MTDH: variants seen among roughly 807,000 people sequenced by gnomAD.
The protein encoded by MTDH is metadherin.
MTDH carries 34 observed loss-of-function variants against 72.7 expected under a neutral mutation model. That is an observed-to-expected ratio of 0.47 (90% CI 0.36 to 0.62). The LOEUF is 0.62. Ranked by LOEUF, MTDH falls within the 20% of genes least tolerant of loss-of-function variation. MTDH has a pLI of 0.00. For synonymous variants in MTDH, 266 were observed against 268.9 expected, an observed-to-expected ratio of 0.99 and a Z score of 0.10; for missense variants, 677 against 699.4, an observed-to-expected ratio of 0.97 and a Z score of 0.36.
intron 2 of MTDH, among the ~76,000 whole-genome samples, chr8:97,686,178 T>C (rs533050041): frequency 1.3e-5 from 2 of 152,356 alleles, no homozygotes; most frequent in East Asian, 3.9e-4. Context: ...AATCACCACA[T>C]AATTTTTCAT....
intron 7 of MTDH, 25 bp from the exon 8 acceptor site, chr8:97,706,601 C>A: frequency 1.3e-6 from 2 of 1,511,200 alleles, no homozygotes; most frequent in African/African-American, 1.4e-5. Flanking sequence ...ATGATAGACG[C>A]CTAATTCACA....
intron 11 of MTDH, among the ~76,000 whole-genome samples, chr8:97,723,592 G>A (rs2513976): frequency 0.6 from 89,000 of 148,888 alleles, 28,517 homozygotes; most frequent in African/African-American, 0.85. Context: ...AAATACAACA[G>A]ATTAGCCGGG....
intron 2 of MTDH, among the ~76,000 whole-genome samples, chr8:97,664,285 G>A (rs1163136147): frequency 2.0e-5 from 3 of 152,084 alleles, no homozygotes; most frequent in African/African-American, 7.2e-5. Flanking sequence ...GAACACAGGA[G>A]GTGGAGGTTG....
chr8:97,658,577 G>A (rs971711227), intron 1 of MTDH, among the ~76,000 whole-genome samples: 1 of 152,170 alleles, frequency 6.6e-6, no homozygotes, highest in African/African-American at 2.4e-5. Context: ...CAATGACTCA[G>A]TGTCATGTAA....
chr8:97,690,934 C>T lies in MTDH; in HGVS notation c.812-18C>T. On this transcript the variant is annotated intron_variant, in intron 5 of 11. Coordinates refer to ENST00000336273, the MANE Select transcript of MTDH (RefSeq NM_178812.4). ...AGTCATGTACCTGTTTTTTAATATTCATTTTCTTTTCTTTAAGTTTCTTCA... is the reference window on the plus strand; with the variant it reads ...AGTCATGTACCTGTTTTTTAATATTTATTTTCTTTTCTTTAAGTTTCTTCA... 2 of 1,552,180 alleles carry T rather than the reference C, an allele frequency of 1.3e-6. No homozygotes were observed. The highest frequency in any genetic ancestry group is 1.8e-6 in the Non-Finnish European group (2 of 1,138,356).
At position 97,661,062 on chromosome 8, in the gene MTDH, G is replaced by A. The variant is rs544876445; in HGVS notation, c.382-10G>A. The A allele has an allele frequency of 6.2e-7, 1 of 1,609,690 alleles. No homozygotes were observed. The highest frequency in any genetic ancestry group is 8.5e-7 in the Non-Finnish European group (1 of 1,177,146). ...GTTTGATAATATGATACTTTTTGTT[G>A]CCTGTGCAGCCAAATGGGCGGACTG... On this transcript the variant is annotated splice_polypyrimidine_tract_variant and intron_variant, in intron 1 of 11. Coordinates refer to ENST00000336273, the MANE Select transcript of MTDH (RefSeq NM_178812.4).
rs564894994 is a variant in MTDH at position 97,706,512 on chromosome 8, A to G, written c.1148-114A>G. ...TTCTGGCTCTTAAAATGTGCTTGGG[A>G]GACAGAACAATAACTTAAAATTACA... On this transcript the variant is annotated intron_variant, in intron 7 of 11. Coordinates refer to ENST00000336273, the MANE Select transcript of MTDH (RefSeq NM_178812.4). 8.2e-4 allele frequency: 816 copies of G among 997,964 alleles called. 12 individuals carry two copies. The South Asian group carries it at 0.018, about 22-fold the overall frequency. The allele number at this position is 997,964 out of a possible 1,614,324, so 61.8% of individuals were successfully genotyped here. A position where few individuals can be genotyped will look rare whatever the true frequency, so the allele number is the denominator to read the frequency against.
Position 97,665,494 on chromosome 8 carries a change from A to C in MTDH, c.483+4321A>C, listed in dbSNP as rs191599450. 7.9e-5 allele frequency among the ~76,000 whole-genome samples: 12 copies of C among 152,320 alleles called. No homozygotes were observed. The East Asian group carries it at 2.3e-3, about 29-fold the overall frequency. On this transcript the variant is annotated intron_variant, in intron 2 of 11. Coordinates refer to ENST00000336273, the MANE Select transcript of MTDH (RefSeq NM_178812.4). Reference sequence around the variant, plus strand: ...AGGCTAGTTAAGGAAAGGCAAGCAAAGAGAAGATATCTAGTAATACAAGGC... The same window carrying C: ...AGGCTAGTTAAGGAAAGGCAAGCAACGAGAAGATATCTAGTAATACAAGGC...
intron 8 of MTDH, among the ~76,000 whole-genome samples, chr8:97,708,264 CTTTTTTTTTTTTTTTTTTTTTT>C (rs71271145): frequency 5.2e-3 from 167 of 32,094 alleles, no homozygotes; most frequent in Non-Finnish European, 5.4e-3. Flanking sequence ...CATGCCAGGC[CTTTTTTTTTTTTTTTTTTTTTT>C]TTTTTTTTTT....
At chr8:97,658,761 A>C (rs1812068953) in intron 1 of MTDH, among the ~76,000 whole-genome samples, 1 of 152,208 alleles carries the variant, frequency 6.6e-6, no homozygotes, top group South Asian at 2.1e-4. Context: ...TAAGTCTTAC[A>C]TGGAAAAGTG....
At chr8:97,707,716 TG>T in intron 8 of MTDH, among the ~76,000 whole-genome samples, 1 of 152,192 alleles carries the variant, frequency 6.6e-6, no homozygotes, top group South Asian at 2.1e-4. Flanking sequence ...TTAGCATGTC[TG>T]TCAATACAAA....
intron 7 of MTDH, among the ~76,000 whole-genome samples, chr8:97,704,087 T>C (rs1243687599): frequency 6.6e-6 from 1 of 152,214 alleles, no homozygotes; most frequent in Non-Finnish European, 1.5e-5. Context: ...TTATAACACA[T>C]TTCACACTTG....
intron 2 of MTDH, among the ~76,000 whole-genome samples, chr8:97,664,388 A>C (rs1464403733): frequency 6.6e-6 from 1 of 151,766 alleles, no homozygotes; most frequent in Non-Finnish European, 1.5e-5. Flanking sequence ...TTTCTGGACT[A>C]GGATGTGAAC....
intron 9 of MTDH, among the ~76,000 whole-genome samples, chr8:97,718,516 T>C (rs540605044): frequency 2.6e-5 from 3 of 115,112 alleles, no homozygotes; most frequent in African/African-American, 1.6e-4. Context: ...TTTTTGTTTT[T>C]GTTTTTTTTG....
At chr8:97,692,854 C>G (rs944586696) in intron 6 of MTDH, among the ~76,000 whole-genome samples, 1 of 151,648 alleles carries the variant, frequency 6.6e-6, no homozygotes, top group African/African-American at 2.4e-5. Context: ...CTCAGCCACC[C>G]GAGTAGTTGG....
intron 2 of MTDH, among the ~76,000 whole-genome samples, chr8:97,662,451 C>T (rs1450618798): frequency 6.6e-6 from 1 of 151,730 alleles, no homozygotes; most frequent in East Asian, 1.9e-4. Flanking sequence ...TTCTGGGAAC[C>T]ACAGTGCAGC....
At chr8:97,670,561 T>C (rs1295092403) in intron 2 of MTDH, among the ~76,000 whole-genome samples, 1 of 150,590 alleles carries the variant, frequency 6.6e-6, no homozygotes, top group African/African-American at 2.5e-5. Flanking sequence ...GAGGTGGAGG[T>C]TGCAGCGAGC....
intron 7 of MTDH, among the ~76,000 whole-genome samples, chr8:97,700,328 T>A (rs1398789764): frequency 1.4e-5 from 2 of 147,916 alleles, no homozygotes; most frequent in East Asian, 3.9e-4. Flanking sequence ...CGTCTTCATT[T>A]AAAAAAAAAA....
intron 2 of MTDH, among the ~76,000 whole-genome samples, chr8:97,663,641 A>T (rs977146060): frequency 6.7e-6 from 1 of 148,830 alleles, no homozygotes; most frequent in East Asian, 2.1e-4. Context: ...CCCAGCTACT[A>T]GGGAGGCTGA....
Sources: gnomAD v4.1 joint callset for allele counts (sites outside exome capture counted in the v4.1 genomes callset) on GRCh38, gnomAD v4.1.1 for gene constraint, MANE v1.5 for transcripts, NCBI Gene and HGNC (gene_info 2026-07-23, HGNC 2026-07-21) for gene names.